RPS6KC1: variants seen among roughly 807,000 people sequenced by gnomAD.
RPS6KC1 encodes the protein ribosomal protein S6 kinase C1, also known as inactive ribosomal protein S6 kinase delta-1.
A neutral mutation model predicts 103.8 loss-of-function variants in RPS6KC1; 54 were observed. That is an observed-to-expected ratio of 0.52 (90% CI 0.42 to 0.65). The LOEUF (loss-of-function observed/expected upper bound fraction) is 0.65. Among genes scored for constraint, RPS6KC1 ranks in the 30% least tolerant of loss-of-function variants. The pLI, the probability that RPS6KC1 is intolerant of heterozygous loss-of-function variation, is 0.00. For missense variants in RPS6KC1, 1,151 were observed against 1,253.8 expected, an observed-to-expected ratio of 0.92 and a Z score of 1.24; for synonymous variants, 439 against 438.7, an observed-to-expected ratio of 1.00 and a Z score of -0.01.
At chr1:213,160,157 A>G (rs1472957240) in intron 6 of RPS6KC1, among the ~76,000 whole-genome samples, 3 of 152,220 alleles carry the variant, frequency 2.0e-5, no homozygotes, top group African/African-American at 7.2e-5. Context: ...TTTTCTCAGA[A>G]GCATACTGTG....
At chr1:213,263,093 T>G (rs1316332975) in intron 14 of RPS6KC1, among the ~76,000 whole-genome samples, 1 of 152,226 alleles carries the variant, frequency 6.6e-6, no homozygotes, top group Non-Finnish European at 1.5e-5. Context: ...CTCTGTGATT[T>G]GAGTATTGCT....
At chr1:213,834,743 C>G in the RPS6KC1 span, among the ~76,000 whole-genome samples, 2 of 151,966 alleles carry the variant, frequency 1.3e-5, no homozygotes, top group Non-Finnish European at 2.9e-5. Flanking sequence ...AAAATGATCT[C>G]CTAAAACTGA....
At chr1:213,492,140 T>C in the RPS6KC1 span, among the ~76,000 whole-genome samples, 1 of 152,220 alleles carries the variant, frequency 6.6e-6, no homozygotes, top group Non-Finnish European at 1.5e-5. Context: ...GACACCATTG[T>C]GTGCATAGAG....
chr1:213,272,835 T>TTA lies in RPS6KC1; in HGVS notation c.*206_*207dup. 2.1e-6 allele frequency: 1 copy of TTA among 474,830 alleles called. No individual in the cohort carries two copies. The highest frequency in any genetic ancestry group is 3.3e-5 in the Admixed American group (1 of 30,650). The allele number at this position is 474,830 out of a possible 1,614,324, so 29.4% of individuals were successfully genotyped here. A position where few individuals can be genotyped will look rare whatever the true frequency, so the allele number is the denominator to read the frequency against. On this transcript the variant is annotated 3_prime_UTR_variant, in exon 15 of 15. Transcript: ENST00000366960. ...TATTAGCTAATTGTGCCAGGGGCTG[T>TTA]TATATACATATATACACAACCAAGG...
At chr1:213,534,651 T>C in the RPS6KC1 span, among the ~76,000 whole-genome samples, 2 of 152,188 alleles carry the variant, frequency 1.3e-5, no homozygotes, top group African/African-American at 4.8e-5. Flanking sequence ...TGAACTGATA[T>C]GCTTCCCAAT....
chr1:213,850,106 T>G, the RPS6KC1 span, among the ~76,000 whole-genome samples: 2 of 152,226 alleles, frequency 1.3e-5, no homozygotes. Flanking sequence ...TCTGCCCCTC[T>G]TCTTTGGCTA....
the RPS6KC1 span, among the ~76,000 whole-genome samples, chr1:213,562,548 C>T: frequency 2.6e-5 from 4 of 151,642 alleles, no homozygotes; most frequent in African/African-American, 4.9e-5. Flanking sequence ...GGCCACCACG[C>T]CCGGCTAACT....
At chr1:213,801,819 A>G in the RPS6KC1 span, among the ~76,000 whole-genome samples, 123 of 152,332 alleles carry the variant, frequency 8.1e-4, no homozygotes, top group African/African-American at 2.8e-3. Flanking sequence ...TGGAAGTATC[A>G]CTACCATGGA....
intron 7 of RPS6KC1, among the ~76,000 whole-genome samples, chr1:213,173,817 A>G (rs1400441589): frequency 6.6e-6 from 1 of 152,372 alleles, no homozygotes; most frequent in Non-Finnish European, 1.5e-5. Context: ...TTCAGTTATC[A>G]TGCACATAGT....
At position 213,221,009 on chromosome 1, in the gene RPS6KC1, G is replaced by T. The variant is rs566596759; in HGVS notation, c.1045-9488G>T. On this transcript the variant is annotated intron_variant, in intron 8 of 14. Transcript: ENST00000366960. ...TTCTCATGTTATGTTTGAAGTATGG[G>T]TATGATAGTACCCAGAAAAACAGGC... Among the ~76,000 whole-genome samples, 8 of 152,098 alleles carry T rather than the reference G, an allele frequency of 5.3e-5. 1 individual carries two copies. The highest frequency in any genetic ancestry group is 6.5e-5 in the Admixed American group (1 of 15,274).
the RPS6KC1 span, among the ~76,000 whole-genome samples, chr1:213,689,183 G>A: frequency 6.6e-6 from 1 of 152,202 alleles, no homozygotes; most frequent in East Asian, 1.9e-4. Context: ...CTTTCTGGAT[G>A]TTAGAGGTAG....
the RPS6KC1 span, among the ~76,000 whole-genome samples, chr1:213,353,557 C>A: frequency 6.6e-6 from 1 of 152,168 alleles, no homozygotes; most frequent in Non-Finnish European, 1.5e-5. Flanking sequence ...GACTTGGGTC[C>A]AAGGTGTCTA....
the RPS6KC1 span, among the ~76,000 whole-genome samples, chr1:213,632,486 A>G: frequency 1.3e-5 from 2 of 152,240 alleles, no homozygotes; most frequent in Non-Finnish European, 2.9e-5. Flanking sequence ...ACAAACAAAA[A>G]GGAATAGCAT....
At chr1:213,381,594 A>G in the RPS6KC1 span, among the ~76,000 whole-genome samples, 1 of 152,156 alleles carries the variant, frequency 6.6e-6, no homozygotes, top group East Asian at 1.9e-4. Flanking sequence ...TCCTGCCTAC[A>G]GTTATGTCAA....
At chr1:213,578,370 T>C in the RPS6KC1 span, among the ~76,000 whole-genome samples, 1 of 152,136 alleles carries the variant, frequency 6.6e-6, no homozygotes, top group Non-Finnish European at 1.5e-5. Flanking sequence ...GTACACAGAG[T>C]TCCCACTGGG....
At chr1:213,793,799 T>C in the RPS6KC1 span, among the ~76,000 whole-genome samples, 1 of 152,164 alleles carries the variant, frequency 6.6e-6, no homozygotes, top group Non-Finnish European at 1.5e-5. Context: ...CTAATGTGGA[T>C]CTGATTGAAC....
chr1:213,728,117 G>C, the RPS6KC1 span, among the ~76,000 whole-genome samples: 1 of 152,110 alleles, frequency 6.6e-6, no homozygotes, highest in African/African-American at 2.4e-5. Context: ...GAGTAAAGCA[G>C]AGTGATATGA....
intron 7 of RPS6KC1, among the ~76,000 whole-genome samples, chr1:213,173,473 A>G (rs555252494): frequency 8.5e-5 from 13 of 152,318 alleles, no homozygotes; most frequent in African/African-American, 2.4e-4. Flanking sequence ...TCTTCTCGGC[A>G]TTCAAGGCCT....
the RPS6KC1 span, among the ~76,000 whole-genome samples, chr1:213,446,414 C>A: frequency 1.3e-5 from 2 of 152,098 alleles, no homozygotes; most frequent in East Asian, 3.9e-4. Context: ...CTGGCAAGAC[C>A]AAAATCTACA....
Sources: gnomAD v4.1 joint callset for allele counts (sites outside exome capture counted in the v4.1 genomes callset) on GRCh38, gnomAD v4.1.1 for gene constraint, MANE v1.5 for transcripts, NCBI Gene and HGNC (gene_info 2026-07-23, HGNC 2026-07-21) for gene names.